FAM227B: variants seen among roughly 807,000 people sequenced by gnomAD.
FAM227B encodes the protein family with sequence similarity 227 member B, also known as protein FAM227B.
FAM227B carries 88 observed loss-of-function variants against 73.8 expected under a neutral mutation model. That is an observed-to-expected ratio of 1.19 (90% CI 1.00 to 1.42). The LOEUF (loss-of-function observed/expected upper bound fraction) is 1.42. Among genes scored for constraint, FAM227B ranks in the 40% most tolerant of loss-of-function variants. The probability of loss-of-function intolerance (pLI) is 0.00; values close to 1 mark genes in which losing one functional copy is unlikely to be tolerated. For synonymous variants in FAM227B, 210 were observed against 190.5 expected, an observed-to-expected ratio of 1.10 and a Z score of -0.84; for missense variants, 632 against 590.9, an observed-to-expected ratio of 1.07 and a Z score of -0.72.
intron 9 of FAM227B, among the ~76,000 whole-genome samples, chr15:49,561,016 A>T (rs914392870): frequency 6.6e-6 from 1 of 152,158 alleles, no homozygotes; most frequent in African/African-American, 2.4e-5. Flanking sequence ...TAGAATCAAA[A>T]TCTCACATAT....
intron 13 of FAM227B, among the ~76,000 whole-genome samples, chr15:49,367,080 T>C (rs2045342435): frequency 6.6e-6 from 1 of 152,332 alleles, no homozygotes; most frequent in East Asian, 1.9e-4. Flanking sequence ...AGCTAAAACA[T>C]GCCTAAAACT....
At chr15:49,432,237 A>G (rs2050682940) in intron 11 of FAM227B, among the ~76,000 whole-genome samples, 1 of 151,598 alleles carries the variant, frequency 6.6e-6, no homozygotes, top group Admixed American at 6.6e-5. Flanking sequence ...TTCAGAATGA[A>G]CTCAGCTTGC....
intron 11 of FAM227B, among the ~76,000 whole-genome samples, chr15:49,396,885 C>T (rs1424502561): frequency 6.6e-6 from 1 of 152,090 alleles, no homozygotes; most frequent in Non-Finnish European, 1.5e-5. Flanking sequence ...GATAAAACCA[C>T]AAAGATGGGG....
At chr15:49,533,275 C>T (rs2060752769) in intron 10 of FAM227B, among the ~76,000 whole-genome samples, 1 of 151,856 alleles carries the variant, frequency 6.6e-6, no homozygotes, top group African/African-American at 2.4e-5. Context: ...GTGGTTAAGA[C>T]TTGTTTTGTG....
chr15:49,353,303 G>T (rs1463990276), intron 13 of FAM227B, among the ~76,000 whole-genome samples: 1 of 152,080 alleles, frequency 6.6e-6, no homozygotes, highest in Non-Finnish European at 1.5e-5. Context: ...GCAATCAAGG[G>T]TTTTATGTTT....
At chr15:49,474,028 C>T (rs1448316864) in intron 11 of FAM227B, among the ~76,000 whole-genome samples, 3 of 151,896 alleles carry the variant, frequency 2.0e-5, no homozygotes, top group African/African-American at 4.8e-5. Flanking sequence ...ATATACTAAC[C>T]TAAAACAAAA....
chr15:49,498,841 C>T (rs2057862116), intron 11 of FAM227B, among the ~76,000 whole-genome samples: 1 of 152,184 alleles, frequency 6.6e-6, no homozygotes, highest in African/African-American at 2.4e-5. Context: ...ACAAAACAGA[C>T]TTTAAAACAA....
chr15:49,342,602 A>G (rs1264924931), intron 13 of FAM227B, among the ~76,000 whole-genome samples: 4 of 152,006 alleles, frequency 2.6e-5, no homozygotes, highest in South Asian at 2.1e-4. Context: ...TGTAGTTTCT[A>G]TTGTGTCATT....
In FAM227B at chr15:49,520,711, C is replaced by T. The variant is rs182255399; in HGVS notation, c.875-12363G>A. Among the ~76,000 whole-genome samples the T allele has an allele frequency of 2.1e-3, 321 of 152,100 alleles. 2 individuals carry two copies. The highest frequency in any genetic ancestry group is 6.9e-3 in the African/African-American group (285 of 41,492). On this transcript the variant is annotated intron_variant, in intron 10 of 15. Transcript: ENST00000299338. ...GACTTATTTACTATCATGAGAACAG[C>T]GTGGGAAAAACTCATCCCCATGATT...
chr15:49,369,125 A>T (rs899348611), intron 12 of FAM227B, among the ~76,000 whole-genome samples: 3 of 151,454 alleles, frequency 2.0e-5, no homozygotes, highest in African/African-American at 7.3e-5. Context: ...CGCCTGGCTA[A>T]TTTTTTTATT....
intron 9 of FAM227B, among the ~76,000 whole-genome samples, chr15:49,563,155 T>C (rs892128090): frequency 5.9e-5 from 9 of 152,158 alleles, no homozygotes; most frequent in African/African-American, 1.9e-4. Flanking sequence ...AGTTTCAGAA[T>C]ACAAAACCAA....
intron 11 of FAM227B, among the ~76,000 whole-genome samples, chr15:49,393,882 G>A (rs1011859491): frequency 6.6e-6 from 1 of 152,150 alleles, no homozygotes; most frequent in Non-Finnish European, 1.5e-5. Context: ...CATAATCTAA[G>A]AACCAATTTT....
intron 11 of FAM227B, among the ~76,000 whole-genome samples, chr15:49,417,451 G>C (rs535075811): frequency 1.3e-5 from 2 of 152,172 alleles, no homozygotes; most frequent in African/African-American, 4.8e-5. Flanking sequence ...TACTAAAACA[G>C]TATGGTACTG....
In FAM227B at chr15:49,455,049, G is replaced by A. The variant is rs529634755; in HGVS notation, c.1012+53162C>T. On this transcript the variant is annotated intron_variant, in intron 11 of 15. Transcript: ENST00000299338. ...AGTATGATTTAAAGTGTAGTTGGGG[G>A]ATCACCTGTATTAGGATCACCTACT... Among the ~76,000 whole-genome samples the A allele has an allele frequency of 3.3e-5, 5 of 152,240 alleles. 1 individual carries two copies. In the South Asian group the frequency reaches 1.0e-3, roughly 32 times the overall value.
At chr15:49,542,056 G>A (rs543251025) in intron 9 of FAM227B, among the ~76,000 whole-genome samples, 16 of 151,922 alleles carry the variant, frequency 1.1e-4, no homozygotes, top group South Asian at 6.3e-4. Flanking sequence ...CCAACCACCT[G>A]GAAATTAAAT....
intron 1 of FAM227B, among the ~76,000 whole-genome samples, chr15:49,619,007 C>T (rs1009134147): frequency 2.6e-5 from 4 of 152,158 alleles, no homozygotes; most frequent in African/African-American, 9.7e-5. Context: ...CAAATTGATA[C>T]ATGTCATTTT....
chr15:49,603,364 T>A (rs941213524), intron 3 of FAM227B, among the ~76,000 whole-genome samples: 1 of 152,162 alleles, frequency 6.6e-6, no homozygotes, highest in Admixed American at 6.5e-5. Context: ...TTTGGTTAAC[T>A]TGATTCCTTA....
intron 9 of FAM227B, among the ~76,000 whole-genome samples, chr15:49,546,716 T>C (rs752236432): frequency 4.6e-4 from 69 of 151,160 alleles, no homozygotes; most frequent in Non-Finnish European, 7.7e-4. Context: ...CCAGTGATGA[T>C]GAGCAGAGAA....
Position 49,335,402 on chromosome 15 carries a change from G to A in FAM227B, c.1349+17C>T. ...AAGTATTATTTTATATTTAACAATA[G>A]TATAGCATCAACTTACATCCTAAAA... On this transcript the variant is annotated intron_variant, in intron 14 of 15. Coordinates refer to ENST00000299338, the MANE Select transcript of FAM227B (RefSeq NM_152647.3). 2 of 1,520,682 alleles carry A rather than the reference G, an allele frequency of 1.3e-6. No individual in the cohort carries two copies. Among genetic ancestry groups the A allele is most frequent in the Non-Finnish European group, 1.8e-6 (2 of 1,095,332 alleles). The allele number at this position is 1,520,682 out of a possible 1,614,324, so 94.2% of individuals were successfully genotyped here.
Sources: allele counts gnomAD v4.1 joint callset (sites outside exome capture counted in the v4.1 genomes callset), GRCh38; gene constraint gnomAD v4.1.1; transcripts MANE v1.5; gene names NCBI Gene and HGNC (gene_info 2026-07-23, HGNC 2026-07-21).